FTO: variants seen among roughly 807,000 people sequenced by gnomAD.
FTO encodes the protein alpha-ketoglutarate-dependent dioxygenase FTO.
A neutral mutation model predicts 63.9 loss-of-function variants in FTO; 47 were observed. That is an observed-to-expected ratio of 0.74 (90% confidence interval 0.58 to 0.94). The LOEUF (loss-of-function observed/expected upper bound fraction) is 0.94. FTO is among the 40% of genes least tolerant of loss of function. The pLI is 0.00. For synonymous variants in FTO, 207 were observed against 224.4 expected (o/e 0.92, Z 0.69); for missense variants, 562 against 618.1 (o/e 0.91, Z 0.96).
At chr16:53,888,512 A>T (rs902195127) in intron 6 of FTO, among the ~76,000 whole-genome samples, 1 of 121,252 alleles carries the variant, frequency 8.2e-6, no homozygotes, top group Non-Finnish European at 1.8e-5. Flanking sequence ...TAGAGACAGC[A>T]TCTTGCAATG....
chr16:54,087,909 A>G (rs1439730870), intron 8 of FTO, among the ~76,000 whole-genome samples: 1 of 152,220 alleles, frequency 6.6e-6, no homozygotes, highest in African/African-American at 2.4e-5. Context: ...AAGTTCCCAG[A>G]ATTTTATTAG....
intron 1 of FTO, among the ~76,000 whole-genome samples, chr16:53,705,350 C>T (rs2075577586): frequency 6.6e-6 from 1 of 152,344 alleles, no homozygotes; most frequent in East Asian, 1.9e-4. Context: ...TACCTGCTTT[C>T]ACAACCCCAT....
At chr16:53,916,045 AAC>A (rs2081856670) in intron 7 of FTO, among the ~76,000 whole-genome samples, 1 of 152,242 alleles carries the variant, frequency 6.6e-6, no homozygotes, top group Admixed American at 6.5e-5. Flanking sequence ...ACTTTGTGGC[AAC>A]CACACTGGCT....
chr16:53,977,621 G>C (rs1194237403), intron 8 of FTO, among the ~76,000 whole-genome samples: 1 of 152,056 alleles, frequency 6.6e-6, no homozygotes, highest in Non-Finnish European at 1.5e-5. Flanking sequence ...CTTAGGAAAG[G>C]CATGAGTTTA....
intron 8 of FTO, among the ~76,000 whole-genome samples, chr16:54,096,730 A>T (rs708247): frequency 0.095 from 14,522 of 152,152 alleles, 2,034 homozygotes; most frequent in African/African-American, 0.3. Context: ...AATTAATATG[A>T]CTTGTTATTT....
intron 1 of FTO, among the ~76,000 whole-genome samples, chr16:53,763,076 A>G (rs2151608345): frequency 6.6e-6 from 1 of 152,342 alleles, no homozygotes; most frequent in African/African-American, 2.4e-5. Context: ...ATAATGATCC[A>G]CAGAGAAAAT....
chr16:53,853,499 G>A (rs13337587), intron 4 of FTO, among the ~76,000 whole-genome samples: 50,986 of 151,138 alleles, frequency 0.34, 9,883 homozygotes, highest in East Asian at 0.71. Flanking sequence ...TGAATCTCCA[G>A]TGTCCATTGT....
At chr16:53,980,994 C>T (rs1315357543) in intron 8 of FTO, among the ~76,000 whole-genome samples, 1 of 152,140 alleles carries the variant, frequency 6.6e-6, no homozygotes, top group Non-Finnish European at 1.5e-5. Context: ...GGGTTCTCCA[C>T]AGTATTTTTG....
chr16:53,879,790 T>A (rs1401854115), intron 5 of FTO, 54 bp from the exon 6 acceptor site: 5 of 1,606,252 alleles, frequency 3.1e-6, no homozygotes, highest in Non-Finnish European at 4.3e-6. Context: ...GGAAGGATGG[T>A]AGAGTAAACT....
At chr16:53,709,441 C>T (rs2075713590) in intron 1 of FTO, among the ~76,000 whole-genome samples, 1 of 152,220 alleles carries the variant, frequency 6.6e-6, no homozygotes, top group Admixed American at 6.5e-5. Flanking sequence ...ATTCATACCC[C>T]GTGCCTCAGT....
intron 8 of FTO, among the ~76,000 whole-genome samples, chr16:53,946,965 A>T (rs566477743): frequency 6.6e-6 from 1 of 152,238 alleles, no homozygotes; most frequent in Admixed American, 6.5e-5. Context: ...CCCAGTGTTA[A>T]TTATAACCTA....
At chr16:53,748,189 T>G (rs1435355466) in intron 1 of FTO, among the ~76,000 whole-genome samples, 1 of 152,320 alleles carries the variant, frequency 6.6e-6, no homozygotes, top group East Asian at 1.9e-4. Context: ...ATATTTTCTA[T>G]TTGTATGAAA....
chr16:54,092,426 G>T (rs997058202), intron 8 of FTO, among the ~76,000 whole-genome samples: 2 of 152,168 alleles, frequency 1.3e-5, no homozygotes, highest in South Asian at 2.1e-4. Context: ...TTAAACTGAG[G>T]GGGGTAGGAG....
intron 8 of FTO, chr16:54,072,096 A>AG (rs1251628910): frequency 6.6e-6 from 1 of 152,234 alleles, no homozygotes; most frequent in Non-Finnish European, 1.5e-5. Flanking sequence ...GGCTGACCCC[A>AG]GGGCCAGGAG....
intron 8 of FTO, among the ~76,000 whole-genome samples, chr16:53,953,284 C>G (rs753003423): frequency 6.6e-6 from 1 of 152,222 alleles, no homozygotes; most frequent in African/African-American, 2.4e-5. Flanking sequence ...AAACAAGAAG[C>G]ATTTGGCTCT....
intron 8 of FTO, among the ~76,000 whole-genome samples, chr16:54,053,544 C>T (rs1323111357): frequency 2.6e-5 from 4 of 152,122 alleles, no homozygotes; most frequent in Admixed American, 2.6e-4. Flanking sequence ...AATTGATAGG[C>T]GACACTCACT....
At chr16:53,972,935 T>C (rs757976327) in intron 8 of FTO, among the ~76,000 whole-genome samples, 4 of 152,200 alleles carry the variant, frequency 2.6e-5, no homozygotes, top group Non-Finnish European at 5.9e-5. Context: ...TCTTAAAATA[T>C]ATTTTTCTAA....
rs530985002 is a variant in FTO at position 53,722,106 on chromosome 16, G to C, written c.45+17877G>C. ...GTCCCTCCTCTTTCATGAAGCGTTTGAGGATTATTCCATTCATCTCTTTCC... is the reference window on the plus strand; with the variant it reads ...GTCCCTCCTCTTTCATGAAGCGTTTCAGGATTATTCCATTCATCTCTTTCC... On this transcript the variant is annotated intron_variant, in intron 1 of 8. Transcript: ENST00000471389. Among the ~76,000 whole-genome samples the C allele has an allele frequency of 3.9e-5, 6 of 152,304 alleles. No homozygotes were observed. In the Middle Eastern group the frequency reaches 0.01, roughly 259 times the overall value.
Position 54,073,233 on chromosome 16 carries a change from T to C in FTO, c.1365-38529T>C, listed in dbSNP as rs111830294. Among the ~76,000 whole-genome samples, 475 of 152,214 alleles carry C rather than the reference T, an allele frequency of 3.1e-3. 2 individuals carry two copies. The highest frequency in any genetic ancestry group is 0.01 in the African/African-American group (425 of 41,526). ...TGGCCTTCTCAAGGGATGGGACACC[T>C]TTCTTCCCAAATGGAATCCAACAGG... On this transcript the variant is annotated intron_variant, in intron 8 of 8. Coordinates refer to ENST00000471389, the MANE Select transcript of FTO (RefSeq NM_001080432.3).
Sources: allele counts gnomAD v4.1 joint callset (sites outside exome capture counted in the v4.1 genomes callset), GRCh38; gene constraint gnomAD v4.1.1; transcripts MANE v1.5; gene names NCBI Gene and HGNC (gene_info 2026-07-23, HGNC 2026-07-21).